SLAMF1: variants seen among roughly 807,000 people sequenced by gnomAD.
The protein encoded by SLAMF1 is signaling lymphocytic activation molecule family member 1.
Under a neutral mutation model 35.1 loss-of-function variants are expected in SLAMF1, and 18 were observed. The ratio of observed to expected loss-of-function variants is 0.51; its 90% CI spans 0.35 to 0.76. The LOEUF is 0.76. SLAMF1 is among the 30% of genes least tolerant of loss of function. The pLI is 0.01. For missense variants in SLAMF1, 392 were observed against 413.0 expected (o/e 0.95, Z 0.44); for synonymous variants, 168 against 157.2 (o/e 1.07, Z -0.51).
At chr1:160,646,176 T>C (rs1661030142) in intron 1 of SLAMF1, among the ~76,000 whole-genome samples, 3 of 152,194 alleles carry the variant, frequency 2.0e-5, no homozygotes, top group Admixed American at 2.0e-4. Flanking sequence ...AGGTAGCTCT[T>C]GTCTGGCCTT....
At position 160,642,927 on chromosome 1, in the gene SLAMF1, G is replaced by A. The variant is rs563802624; in HGVS notation, c.76+3943C>T. On this transcript the variant is annotated intron_variant, in intron 1 of 6. Coordinates refer to ENST00000302035, the MANE Select transcript of SLAMF1 (RefSeq NM_003037.5). This position sits in a 1 kb window ranked among gnomAD's most constrained non-coding sequence, Gnocchi z 4.2. Reference sequence around the variant, plus strand: ...AAGCCCATCGGACCCATTTATTTGGGGCTAAGTTTTTAATATTCATTTTTA... The same window carrying A: ...AAGCCCATCGGACCCATTTATTTGGAGCTAAGTTTTTAATATTCATTTTTA... 6.6e-6 allele frequency among the ~76,000 whole-genome samples: 1 copy of A among 152,132 alleles called. No individual in the cohort carries two copies. The highest frequency in any genetic ancestry group is 1.5e-5 in the Non-Finnish European group (1 of 67,980).
In SLAMF1 at chr1:160,637,394, T is replaced by C. The variant is rs141179627; in HGVS notation, c.212A>G (p.Glu71Gly). ...CACTATTTTGTTCTCGACACTGTTCTCCAGTGATTTTGCCATTGTGACGAC... is the reference window on the plus strand; with the variant it reads ...CACTATTTTGTTCTCGACACTGTTCCCCAGTGATTTTGCCATTGTGACGAC... The part of the protein sequence containing the change: ...HIVVTMAKSL[E>G]NSVENKIVSL... Residue 71 changes from glutamate to glycine, a missense_variant, in exon 2 of 7, where the codon GAG becomes GGG. Transcript: ENST00000302035. The C allele has an allele frequency of 2.9e-4, 469 of 1,614,108 alleles. 1 individual carries two copies. In the African/African-American group the frequency reaches 5.1e-3, roughly 17 times the overall value.
chr1:160,611,666 C>T (rs189880576), intron 6 of SLAMF1, among the ~76,000 whole-genome samples: 7 of 152,264 alleles, frequency 4.6e-5, no homozygotes, highest in Admixed American at 2.6e-4. Flanking sequence ...GATTCCTGTC[C>T]GAAGTAAACT....
chr1:160,619,128 G>C (rs1239333538), intron 5 of SLAMF1, among the ~76,000 whole-genome samples: 2 of 151,828 alleles, frequency 1.3e-5, no homozygotes, highest in Non-Finnish European at 2.9e-5. Flanking sequence ...ACAATACCAA[G>C]AATTGCCTTC....
chr1:160,640,359 TACACACACACACACAC>T (rs1184249247), intron 1 of SLAMF1, among the ~76,000 whole-genome samples: 144 of 121,926 alleles, frequency 1.2e-3, no homozygotes, highest in South Asian at 2.4e-3. Flanking sequence ...TATATATATA[TACACACACACACACAC>T]ATATATATAT....
At chr1:160,618,809 G>A (rs1294505089) in intron 5 of SLAMF1, among the ~76,000 whole-genome samples, 1 of 152,102 alleles carries the variant, frequency 6.6e-6, no homozygotes, top group African/African-American at 2.4e-5. Context: ...TATGGTCAAG[G>A]TGAACCTGGT....
chr1:160,635,306 T>C (rs1358278215), intron 2 of SLAMF1, among the ~76,000 whole-genome samples: 1 of 152,162 alleles, frequency 6.6e-6, no homozygotes, highest in Non-Finnish European at 1.5e-5. Context: ...ATTTCATCTA[T>C]CGTGATGTGT....
chr1:160,623,432 A>G (rs1228309190), intron 4 of SLAMF1: 1 of 397,976 alleles, frequency 2.5e-6, no homozygotes, highest in East Asian at 3.6e-5. Context: ...TTGTGTGTAG[A>G]TGACACTGAT....
chr1:160,611,275 A>T (rs1570959209), intron 6 of SLAMF1, among the ~76,000 whole-genome samples: 2 of 152,344 alleles, frequency 1.3e-5, no homozygotes, highest in African/African-American at 2.4e-5. Context: ...ATGTCAAAGA[A>T]ACAAAGAAAA....
intron 4 of SLAMF1, among the ~76,000 whole-genome samples, chr1:160,620,134 G>A (rs1570975260): frequency 6.6e-6 from 1 of 152,356 alleles, no homozygotes; most frequent in South Asian, 2.1e-4. Context: ...ACTGCCTGGT[G>A]CATAACAAAT....
chr1:160,627,886 G>T (rs140303884), intron 3 of SLAMF1, among the ~76,000 whole-genome samples: 131 of 152,190 alleles, frequency 8.6e-4, no homozygotes, highest in Admixed American at 3.3e-3. Context: ...TCAAGGGTGG[G>T]GCCAGGTGGA....
chr1:160,632,103 C>T (rs545644958), intron 3 of SLAMF1, among the ~76,000 whole-genome samples: 82 of 152,236 alleles, frequency 5.4e-4, no homozygotes, highest in African/African-American at 1.9e-3. Flanking sequence ...GACTTCTAGC[C>T]TCCAGAACTG....
At chr1:160,630,159 G>T (rs558053743) in intron 3 of SLAMF1, among the ~76,000 whole-genome samples, 24 of 152,246 alleles carry the variant, frequency 1.6e-4, no homozygotes, top group Admixed American at 7.2e-4. Context: ...CAGTCATCGA[G>T]GATGGCAGCA....
At chr1:160,620,291 A>G (rs1659539422) in intron 4 of SLAMF1, among the ~76,000 whole-genome samples, 1 of 152,094 alleles carries the variant, frequency 6.6e-6, no homozygotes, top group Non-Finnish European at 1.5e-5. Context: ...TGTATTTTCC[A>G]GCTGGTAGTA....
In SLAMF1 at chr1:160,645,270, C is replaced by T. The variant is rs565158459; in HGVS notation, c.76+1600G>A. Reference sequence around the variant, plus strand: ...GGGCAAATCTGTCATGACTAACCTGCCCCATTTGCAAAGCATTTCTGTCTG... The same window carrying T: ...GGGCAAATCTGTCATGACTAACCTGTCCCATTTGCAAAGCATTTCTGTCTG... On this transcript the variant is annotated intron_variant, in intron 1 of 6. Coordinates refer to ENST00000302035, the MANE Select transcript of SLAMF1 (RefSeq NM_003037.5). Among the ~76,000 whole-genome samples, 10 of 152,272 alleles carry T rather than the reference C, an allele frequency of 6.6e-5. No individual in the cohort carries two copies. The South Asian group carries it at 1.9e-3, about 28-fold the overall frequency.
chr1:160,643,173 A>G (rs773685430), intron 1 of SLAMF1, among the ~76,000 whole-genome samples: 41 of 152,112 alleles, frequency 2.7e-4, no homozygotes, highest in Middle Eastern at 3.2e-3. Context: ...GGAGGCAGCT[A>G]TCCCCCCTCC....
chr1:160,631,207 T>C (rs1411025145), intron 3 of SLAMF1, among the ~76,000 whole-genome samples: 2 of 152,230 alleles, frequency 1.3e-5, no homozygotes, highest in Admixed American at 1.3e-4. Flanking sequence ...AAGGTACTGA[T>C]ACAATTCTGT....
At chr1:160,630,486 T>C (rs1386705886) in intron 3 of SLAMF1, among the ~76,000 whole-genome samples, 1 of 152,166 alleles carries the variant, frequency 6.6e-6, no homozygotes, top group East Asian at 1.9e-4. Context: ...TTAATGAAAA[T>C]GAAAAATGTC....
intron 4 of SLAMF1, 139 bp from the exon 5 acceptor site, chr1:160,619,988 CCTGCA>C: frequency 1.5e-6 from 1 of 685,004 alleles, no homozygotes; most frequent in South Asian, 1.7e-5. Flanking sequence ...TCCCAGCCCC[CCTGCA>C]CATTTGTCAT....
Sources: allele counts gnomAD v4.1 joint callset (sites outside exome capture counted in the v4.1 genomes callset), GRCh38; gene constraint gnomAD v4.1.1; non-coding constraint Gnocchi (gnomAD v3.1); transcripts MANE v1.5; gene names NCBI Gene and HGNC (gene_info 2026-07-23, HGNC 2026-07-21).